Variants in TCEA3 observed in about 807,000 individuals in gnomAD.
TCEA3 encodes the protein transcription elongation factor A3, also known as transcription elongation factor A protein 3.
Under a neutral mutation model 44.0 loss-of-function variants are expected in TCEA3, and 36 were observed. The observed-to-expected ratio is 0.82, with a 90% CI of 0.63 to 1.08. The LOEUF (loss-of-function observed/expected upper bound fraction) is 1.08, where lower values mean the gene tolerates loss of function less well. Ranked by LOEUF, TCEA3 falls within the 50% of genes least tolerant of loss-of-function variation. The probability of loss-of-function intolerance (pLI) is 0.00; values close to 1 mark genes in which losing one functional copy is unlikely to be tolerated. For missense variants in TCEA3, 392 were observed against 441.2 expected (o/e 0.89, Z 1.00); for synonymous variants, 162 against 159.7 (o/e 1.01, Z -0.11).
At chr1:23,383,279 C>CA (rs10604385) in intron 10 of TCEA3, among the ~76,000 whole-genome samples, 9,407 of 118,294 alleles carry the variant, frequency 0.08, 417 homozygotes, top group South Asian at 0.2. Context: ...GACTCCATCT[C>CA]AAAAAAAAAA....
intron 10 of TCEA3, 88 bp from the exon 11 acceptor site, chr1:23,381,562 T>G: frequency 1.3e-6 from 1 of 776,666 alleles, no homozygotes; most frequent in Non-Finnish European, 2.4e-6. Context: ...GAAGGTGGTG[T>G]CTGGAGCCAC....
At chr1:23,400,398 G>T (rs947619461) in intron 5 of TCEA3, among the ~76,000 whole-genome samples, 1 of 128,202 alleles carries the variant, frequency 7.8e-6, no homozygotes, top group East Asian at 2.0e-4. Flanking sequence ...TGTAGAAATG[G>T]GGGTCTCAAT....
rs367922636 is a variant in TCEA3 at position 23,417,976 on chromosome 1, G to C, written c.166C>G (p.Arg56Gly). Residue 56 changes from arginine to glycine, a missense_variant, in exon 3 of 11, where the codon CGC (arginine) becomes GGC (glycine). Transcript: ENST00000450454. ...ACCTCCTTGTCTGAGCAGTGCTTGC[G>C]GACCCCATTAACAGCAACTCCAATC... ...TRIGVAVNGV[R>G]KHCSDKEVVS... 1 of 1,613,918 alleles carries C rather than the reference G, an allele frequency of 6.2e-7. No individual in the cohort carries two copies. Among genetic ancestry groups the C allele is most frequent in the Non-Finnish European group, 8.5e-7 (1 of 1,179,892 alleles).
chr1:23,412,661 T>C (rs1639768695), intron 4 of TCEA3, among the ~76,000 whole-genome samples: 1 of 151,528 alleles, frequency 6.6e-6, no homozygotes, highest in African/African-American at 2.4e-5. Flanking sequence ...TGAGCTGAGA[T>C]CGTGCCATTG....
At chr1:23,404,289 G>C (rs1300741379) in intron 5 of TCEA3, 11 of 670,544 alleles carry the variant, frequency 1.6e-5, no homozygotes, top group Admixed American at 4.1e-5. Context: ...CCAGAGCATC[G>C]TGCTCACTCC....
chr1:23,419,864 T>C (rs1471759135), intron 1 of TCEA3, among the ~76,000 whole-genome samples: 3 of 152,058 alleles, frequency 2.0e-5, no homozygotes, highest in Non-Finnish European at 4.4e-5. Context: ...AAAAAACAGC[T>C]TTTTTGAGGT....
intron 1 of TCEA3, 47 bp downstream of exon 1, chr1:23,424,518 C>T (rs758810092): frequency 1.3e-6 from 2 of 1,560,860 alleles, no homozygotes; most frequent in South Asian, 1.1e-5. Flanking sequence ...GGGGCTTGCC[C>T]GCGCCTCCCG....
Position 23,393,935 on chromosome 1 carries a change from G to A in TCEA3, c.763C>T (p.Arg255Trp), listed in dbSNP as rs370594655. The A allele has an allele frequency of 1.2e-5, 19 of 1,613,828 alleles. No homozygotes were observed. The highest frequency in any genetic ancestry group is 4.0e-5 in the African/African-American group (3 of 74,940). Residue 255 changes from arginine to tryptophan, a missense_variant, in exon 8 of 11, where the codon CGG becomes TGG. Coordinates refer to ENST00000450454, the MANE Select transcript of TCEA3 (RefSeq NM_003196.3). ...LKDPRNPGLR[R>W]NVLSGAISAG... is the part of the protein sequence containing the mutation. Reference sequence around the variant, plus strand: ...GAGATGGCCCCACTGAGCACGTTCCGCCGCAGGCCGGGGTTCCTGGGGTCC... The same window carrying A: ...GAGATGGCCCCACTGAGCACGTTCCACCGCAGGCCGGGGTTCCTGGGGTCC...
At chr1:23,419,342 C>T in intron 1 of TCEA3, 1 of 396,856 alleles carries the variant, frequency 2.5e-6, no homozygotes, top group Non-Finnish European at 4.5e-6. Flanking sequence ...CTGCTGGGTT[C>T]AAACCCTCTG....
At chr1:23,424,046 A>C (rs1055010310) in intron 1 of TCEA3, among the ~76,000 whole-genome samples, 27 of 151,968 alleles carry the variant, frequency 1.8e-4, no homozygotes, top group Admixed American at 6.5e-5. Flanking sequence ...GTGGGGTCGC[A>C]GGATCCACGG....
chr1:23,417,386 G>C lies in TCEA3; in HGVS notation c.243C>G (p.Ser81=). 1 of 1,612,664 alleles carries C rather than the reference G, an allele frequency of 6.2e-7. No individual in the cohort carries two copies. The highest frequency in any genetic ancestry group is 8.5e-7 in the Non-Finnish European group (1 of 1,179,582). ...LIKNWKRLLD[S]PGPPKGEKGE... ...CTTTTTCTCCTTTTGGGGGTCCAGG[G>C]GAGTCTGAAAACAAAAGGGTGGCAT... The change falls in exon 4 of 11, where the codon TCC becomes TCG. Residue 81 remains serine (S), a synonymous_variant. Coordinates refer to ENST00000450454, the MANE Select transcript of TCEA3 (RefSeq NM_003196.3).
At chr1:23,383,814 C>T in intron 10 of TCEA3, 3 of 986,304 alleles carry the variant, frequency 3.0e-6, no homozygotes, top group Non-Finnish European at 3.6e-6. Context: ...AACAAAACTT[C>T]TGCCTTTGCA....
intron 5 of TCEA3, among the ~76,000 whole-genome samples, chr1:23,400,515 T>G: frequency 6.6e-6 from 1 of 152,060 alleles, no homozygotes; most frequent in East Asian, 1.9e-4. Context: ...GGCAAGACTT[T>G]GTGATAGTTG....
rs1238837001 is a variant in TCEA3 at position 23,424,666 on chromosome 1, A to C, written c.-33T>G. 6.3e-7 allele frequency: 1 copy of C among 1,581,726 alleles called. No individual in the cohort carries two copies. The highest frequency in any genetic ancestry group is 1.7e-5 in the Admixed American group (1 of 59,396). ...CGCGACGCCCGGCGGGGCGAGGGGCACAGGGGCAGCAGTAGGGCCTCGGGG... is the reference window on the plus strand; with the variant it reads ...CGCGACGCCCGGCGGGGCGAGGGGCCCAGGGGCAGCAGTAGGGCCTCGGGG... On this transcript the variant is annotated 5_prime_UTR_variant, in exon 1 of 11. Coordinates refer to ENST00000450454, the MANE Select transcript of TCEA3 (RefSeq NM_003196.3).
chr1:23,416,190 G>A (rs145660101), intron 4 of TCEA3, among the ~76,000 whole-genome samples: 1 of 151,830 alleles, frequency 6.6e-6, no homozygotes, highest in East Asian at 1.9e-4. Context: ...ATTTTTAGTA[G>A]AGATGGGATT....
At chr1:23,413,986 G>GTATATATATATATATATATATA (rs33960365) in intron 4 of TCEA3, among the ~76,000 whole-genome samples, 9 of 141,030 alleles carry the variant, frequency 6.4e-5, no homozygotes, top group African/African-American at 2.3e-4. Context: ...CTAGCAGGAT[G>GTATATATATATATATATATATA]TATATATATA....
intron 8 of TCEA3, among the ~76,000 whole-genome samples, 176 bp downstream of exon 8, chr1:23,393,703 T>C (rs552984576): frequency 6.6e-6 from 1 of 152,316 alleles, no homozygotes; most frequent in African/African-American, 2.4e-5. Context: ...ACTTAGAACC[T>C]ATTAGCTGTG....
chr1:23,402,440 C>T (rs1046165938), intron 5 of TCEA3, among the ~76,000 whole-genome samples: 3 of 152,338 alleles, frequency 2.0e-5, no homozygotes, highest in African/African-American at 7.2e-5. Context: ...ATGCCATGCT[C>T]TCCGCATGGT....
chr1:23,416,553 G>A (rs1175941924), intron 4 of TCEA3, among the ~76,000 whole-genome samples: 2 of 151,910 alleles, frequency 1.3e-5, no homozygotes, highest in East Asian at 3.9e-4. Context: ...GTGCAGTGGC[G>A]CAATCTCAGC....
Sources: allele counts gnomAD v4.1 joint callset (sites outside exome capture counted in the v4.1 genomes callset), GRCh38; gene constraint gnomAD v4.1.1; transcripts MANE v1.5; gene names NCBI Gene and HGNC (gene_info 2026-07-23, HGNC 2026-07-21).